Variants in ITGA1 observed in about 807,000 individuals in gnomAD.
ITGA1 encodes the protein integrin subunit alpha 1.
A neutral mutation model predicts 145.9 loss-of-function variants in ITGA1; 85 were observed. The observed-to-expected ratio is 0.58, with a 90% CI of 0.49 to 0.70. The LOEUF is 0.70. Ranked by LOEUF, ITGA1 falls within the 30% of genes least tolerant of loss-of-function variation. ITGA1 has a pLI of 0.00. For synonymous variants in ITGA1, 520 were observed against 495.3 expected (o/e 1.05, Z -0.66); for missense variants, 1,351 against 1,418.7 (o/e 0.95, Z 0.77).
intron 1 of ITGA1, among the ~76,000 whole-genome samples, chr5:52,821,940 T>A (rs948062954): frequency 6.6e-6 from 1 of 152,204 alleles, no homozygotes; most frequent in Non-Finnish European, 1.5e-5. Flanking sequence ...GATTTTTATG[T>A]GTGATTTTGT....
chr5:52,946,965 G>A (rs1259392128), intron 27 of ITGA1, among the ~76,000 whole-genome samples: 6 of 152,218 alleles, frequency 3.9e-5, no homozygotes, highest in Non-Finnish European at 7.4e-5. Flanking sequence ...AACAAACTGC[G>A]ACATTCCAAT....
rs200390891 is a variant in ITGA1, at chr5:52,869,828, C to CT, written c.624+4020dup. ...TCTCTAGTATTCAGTCTTTTCTAAT[C>CT]TTTTTTTTTCTATTTTGGCTTATGT... On this transcript the variant is annotated intron_variant, in intron 6 of 28. Transcript: ENST00000282588. Among the ~76,000 whole-genome samples, 675 of 151,168 alleles carry CT rather than the reference C, an allele frequency of 4.5e-3. 21 individuals carry two copies. Among genetic ancestry groups the CT allele is most frequent in the Admixed American group, 0.039 (588 of 15,148 alleles).
chr5:52,884,289 C>CAA (rs370198943), intron 7 of ITGA1, among the ~76,000 whole-genome samples: 14 of 151,084 alleles, frequency 9.3e-5, no homozygotes, highest in African/African-American at 3.4e-4. Context: ...ACTAAAAATA[C>CAA]AAAAAAAATT....
In ITGA1 at chr5:52,911,499, GTAGATACACTATATATAGTATATA is replaced by G. The variant is rs762999077; in HGVS notation, c.1857+1083_1857+1106del. On this transcript the variant is annotated intron_variant, in intron 14 of 28. Coordinates refer to ENST00000282588, the MANE Select transcript of ITGA1 (RefSeq NM_181501.2). ...AGATACACTATATATAGTATATATA[GTAGATACACTATATATAGTATATA>G]TATCTATATATTAGATACATATACT... 5.9e-3 allele frequency among the ~76,000 whole-genome samples: 696 copies of G among 118,776 alleles called. 28 individuals carry two copies. Among genetic ancestry groups the G allele is most frequent in the Admixed American group, 0.052 (548 of 10,596 alleles). 77.9% of individuals were successfully genotyped at this position (118,776 alleles called of 152,430 possible).
At chr5:52,824,754 T>C (rs949811991) in intron 1 of ITGA1, 1 of 152,278 alleles carries the variant, frequency 6.6e-6, no homozygotes, top group Admixed American at 6.5e-5. Flanking sequence ...ATTATTTAAA[T>C]AGAAAAAATA....
chr5:52,856,879 C>T (rs781507577), intron 2 of ITGA1, among the ~76,000 whole-genome samples: 3 of 152,120 alleles, frequency 2.0e-5, no homozygotes, highest in Non-Finnish European at 2.9e-5. Flanking sequence ...ATCATCTGGT[C>T]CCTCAACTGG....
intron 2 of ITGA1, among the ~76,000 whole-genome samples, chr5:52,854,717 A>G (rs1360825917): frequency 1.3e-5 from 2 of 152,222 alleles, no homozygotes; most frequent in Non-Finnish European, 2.9e-5. Flanking sequence ...TATGAAACAG[A>G]GACATCAGAC....
intron 11 of ITGA1, chr5:52,904,911 T>C (rs768317395): frequency 6.6e-6 from 1 of 151,292 alleles, no homozygotes; most frequent in Admixed American, 6.6e-5. Flanking sequence ...AAGCTCTGTG[T>C]TGAATAAAGT....
At chr5:52,800,041 T>G in intron 1 of ITGA1, 2 of 300,976 alleles carry the variant, frequency 6.6e-6, no homozygotes. Flanking sequence ...CGCCTCTCCT[T>G]TGGGGACGGG....
intron 1 of ITGA1, among the ~76,000 whole-genome samples, chr5:52,823,911 C>T (rs1284472694): frequency 1.3e-5 from 2 of 152,146 alleles, no homozygotes; most frequent in South Asian, 2.1e-4. Context: ...ATATTATCAA[C>T]GTTTGCCAAT....
intron 11 of ITGA1, chr5:52,904,797 G>A (rs570067832): frequency 6.7e-6 from 1 of 150,068 alleles, no homozygotes; most frequent in African/African-American, 2.4e-5. Flanking sequence ...AGCTTGCAGT[G>A]AGCCGAGATC....
chr5:52,893,579 G>T, intron 8 of ITGA1, 96 bp from the exon 9 acceptor site: 1 of 1,072,340 alleles, frequency 9.3e-7, no homozygotes, highest in Non-Finnish European at 1.3e-6. Flanking sequence ...TTATGCTAAG[G>T]TACTCTACAC....
Position 52,925,492 on chromosome 5 carries a change from A to G in ITGA1, c.2613+5A>G. 3 of 1,600,326 alleles carry G rather than the reference A, an allele frequency of 1.9e-6. No individual in the cohort carries two copies. On this transcript the variant is annotated splice_donor_5th_base_variant and intron_variant, in intron 19 of 28. Transcript: ENST00000282588. ...CTAGTTTTTTCAGGAATTGAGGTAA[A>G]CTTCCAGTTTTTCATTTATTTGTTC... is the stretch of plus-strand genomic sequence containing the variant.
In ITGA1 at chr5:52,927,310, G is replaced by C. The variant is rs192141653; in HGVS notation, c.2614-274G>C. The stretch of plus-strand genomic sequence containing the variant: ...TTTATCCAGCCACCGCAATCACTCT[G>C]TGAGGGAGGTGCTATTAGTACTTCC... On this transcript the variant is annotated intron_variant, in intron 19 of 28. Transcript: ENST00000282588. Among the ~76,000 whole-genome samples, 339 of 152,304 alleles carry C rather than the reference G, an allele frequency of 2.2e-3. 2 individuals are homozygous for C. Among genetic ancestry groups the C allele is most frequent in the Admixed American group, 2.5e-3 (38 of 15,286 alleles).
At position 52,905,825 on chromosome 5, in the gene ITGA1, C is replaced by T. The variant is rs201064647; in HGVS notation, c.1372C>T (p.Arg458Trp). The T allele has an allele frequency of 9.9e-6, 16 of 1,613,356 alleles. No individual in the cohort carries two copies. The highest frequency in any genetic ancestry group is 4.0e-5 in the African/African-American group (3 of 74,876). ...GDVLYIAGQP[R>W]YNHTGQVIIY... ...TGTGCTCTATATTGCTGGACAGCCT[C>T]GGTACAATCATACAGGCCAGGTCAT... Residue 458 changes from arginine to tryptophan, a missense_variant, in exon 12 of 29, where the codon CGG (arginine) becomes TGG (tryptophan). Arg to Trp is a moderately radical substitution (Grantham distance 101). Coordinates refer to ENST00000282588, the MANE Select transcript of ITGA1 (RefSeq NM_181501.2).
intron 27 of ITGA1, among the ~76,000 whole-genome samples, chr5:52,945,279 T>C (rs1751117775): frequency 6.6e-6 from 1 of 152,184 alleles, no homozygotes; most frequent in Non-Finnish European, 1.5e-5. Flanking sequence ...CTTTATCACT[T>C]ATAACTATCA....
intron 6 of ITGA1, among the ~76,000 whole-genome samples, chr5:52,878,961 C>G (rs913308472): frequency 2.3e-5 from 3 of 130,632 alleles, no homozygotes; most frequent in Non-Finnish European, 1.7e-5. Flanking sequence ...GTCTAAGTAC[C>G]AAAAAAAAAA....
At chr5:52,819,046 G>GTAGA (rs1450417982) in intron 1 of ITGA1, among the ~76,000 whole-genome samples, 1 of 152,122 alleles carries the variant, frequency 6.6e-6, no homozygotes, top group Admixed American at 6.6e-5. Flanking sequence ...GGAGAGAGTT[G>GTAGA]TAGATAGAAA....
intron 1 of ITGA1, among the ~76,000 whole-genome samples, chr5:52,841,195 G>A (rs1219297100): frequency 6.6e-6 from 1 of 152,186 alleles, no homozygotes; most frequent in Non-Finnish European, 1.5e-5. Flanking sequence ...AAGATTTCTT[G>A]AGCCAGATTT....
Sources: allele counts gnomAD v4.1 joint callset (sites outside exome capture counted in the v4.1 genomes callset), GRCh38; gene constraint gnomAD v4.1.1; transcripts MANE v1.5; gene names NCBI Gene and HGNC (gene_info 2026-07-23, HGNC 2026-07-21).